The following ANK3 variants were observed in gnomAD, a reference collection of about 807,000 sequenced individuals.
ANK3 encodes the protein ankyrin-3.
In ANK3, 57 loss-of-function variants were observed where a neutral mutation model predicts 370.9. The ratio of observed to expected loss-of-function variants is 0.15; its 90% confidence interval spans 0.12 to 0.19. ANK3 has a LOEUF of 0.19. Among genes scored for constraint, ANK3 ranks in the 10% least tolerant of loss-of-function variants. ANK3 has a pLI of 1.00. For synonymous variants in ANK3, 1,929 were observed against 1,946.3 expected, an observed-to-expected ratio of 0.99 and a Z score of 0.23; for missense variants, 4,439 against 5,302.1, an observed-to-expected ratio of 0.84 and a Z score of 5.06.
chr10:60,387,152 C>T lies in ANK3; in HGVS notation c.114+2273G>A, dbSNP rs183845187. Among the ~76,000 whole-genome samples the T allele has an allele frequency of 3.8e-4, 57 of 149,810 alleles. 1 individual carries two copies. The Middle Eastern group carries it at 0.034, about 91-fold the overall frequency. On this transcript the variant is annotated intron_variant, in intron 1 of 43. Transcript: ENST00000280772. ...TCCAGCCTGGGCAACAAGAGTGAGA[C>T]TCCATCTCAAAAAAAAAAAAATCCT...
At chr10:60,469,822 C>T (rs1332246966) in intron 2 of ANK3, among the ~76,000 whole-genome samples, 2 of 151,196 alleles carry the variant, frequency 1.3e-5, no homozygotes, top group Non-Finnish European at 2.9e-5. Context: ...TAGTCACATC[C>T]TTTCATTTAT....
intron 9 of ANK3, among the ~76,000 whole-genome samples, chr10:60,210,401 T>A (rs2096835027): frequency 1.3e-5 from 2 of 151,132 alleles, no homozygotes; most frequent in African/African-American, 4.9e-5. Flanking sequence ...CACAGAGATC[T>A]GGAACAAGCT....
At position 60,196,643 on chromosome 10, in the gene ANK3, T is replaced by C. The variant is rs768036540; in HGVS notation, c.1690-18A>G. On this transcript the variant is annotated intron_variant, in intron 14 of 43. Coordinates refer to ENST00000280772, the MANE Select transcript of ANK3 (RefSeq NM_020987.5). ...AATCCTTTCTGAAAAAAAAAAAACA[T>C]AAAAATAATGAACAATAGAAATGAC... The C allele has an allele frequency of 6.8e-6, 9 of 1,327,168 alleles. No homozygotes were observed. Among genetic ancestry groups the C allele is most frequent in the African/African-American group, 1.7e-5 (1 of 59,048 alleles). The allele number at this position is 1,327,168 out of a possible 1,614,324, so 82.2% of individuals were successfully genotyped here. A position where few individuals can be genotyped will look rare whatever the true frequency, so the allele number is the denominator to read the frequency against.
At chr10:60,681,518 A>G (rs950615089) in intron 1 of ANK3, among the ~76,000 whole-genome samples, 2 of 152,100 alleles carry the variant, frequency 1.3e-5, no homozygotes, top group Non-Finnish European at 2.9e-5. Flanking sequence ...CTAAATCCGA[A>G]TCATCCTTCA....
chr10:60,641,247 C>G (rs1231470234), intron 1 of ANK3, among the ~76,000 whole-genome samples: 1 of 148,928 alleles, frequency 6.7e-6, no homozygotes, highest in African/African-American at 2.5e-5. Flanking sequence ...ATCAAGCTAC[C>G]AATGACTTTC....
chr10:60,255,090 G>C (rs1168686534), intron 7 of ANK3, among the ~76,000 whole-genome samples: 1 of 152,122 alleles, frequency 6.6e-6, no homozygotes, highest in Non-Finnish European at 1.5e-5. Flanking sequence ...TCATAGGATT[G>C]TTATGACAAT....
chr10:60,378,625 G>A (rs546750694), intron 1 of ANK3, among the ~76,000 whole-genome samples: 63 of 152,094 alleles, frequency 4.1e-4, no homozygotes, highest in African/African-American at 1.5e-3. Context: ...ATTGGTGCTG[G>A]GAAAATTGTA....
intron 25 of ANK3, among the ~76,000 whole-genome samples, chr10:60,122,462 C>A (rs989357788): frequency 1.2e-4 from 18 of 152,360 alleles, no homozygotes; most frequent in African/African-American, 4.3e-4. Flanking sequence ...CCTCGCCTGG[C>A]CTCCATCAGG....
At chr10:60,562,617 G>T (rs1017101947) in intron 2 of ANK3, among the ~76,000 whole-genome samples, 5 of 152,112 alleles carry the variant, frequency 3.3e-5, no homozygotes, top group Non-Finnish European at 5.9e-5. Flanking sequence ...GTTTCACCAT[G>T]GTTTAAATAC....
intron 1 of ANK3, among the ~76,000 whole-genome samples, chr10:60,696,555 T>C (rs927962960): frequency 1.3e-5 from 2 of 150,434 alleles, no homozygotes; most frequent in Non-Finnish European, 3.0e-5. Flanking sequence ...TTATCCACCA[T>C]GATCAAGTGG....
intron 2 of ANK3, among the ~76,000 whole-genome samples, chr10:60,452,613 T>C (rs2133042275): frequency 6.6e-6 from 1 of 152,346 alleles, no homozygotes; most frequent in Middle Eastern, 3.4e-3. Flanking sequence ...AGAAAGAGAA[T>C]CTTCTCATAT....
At chr10:60,465,808 A>C (rs1460770877) in intron 2 of ANK3, among the ~76,000 whole-genome samples, 1 of 139,514 alleles carries the variant, frequency 7.2e-6, no homozygotes, top group Non-Finnish European at 1.5e-5. Flanking sequence ...TTTTTTTTTC[A>C]AAAAAAGAGG....
At chr10:60,082,070 T>C in intron 35 of ANK3, 80 bp downstream of exon 35, 3 of 1,106,490 alleles carry the variant, frequency 2.7e-6, no homozygotes, top group Admixed American at 1.9e-5. Context: ...TCCCACACTT[T>C]AGCCCTCTGC....
At chr10:60,576,630 A>T (rs551817653) in intron 2 of ANK3, among the ~76,000 whole-genome samples, 2 of 152,370 alleles carry the variant, frequency 1.3e-5, no homozygotes, top group South Asian at 4.1e-4. Context: ...CACTTACTGT[A>T]ATTTACACTG....
At chr10:60,402,156 A>G (rs916501750) in intron 2 of ANK3, among the ~76,000 whole-genome samples, 12 of 152,218 alleles carry the variant, frequency 7.9e-5, no homozygotes, top group Non-Finnish European at 1.3e-4. Context: ...GATAATATTT[A>G]CCAGTGCCAC....
intron 23 of ANK3, among the ~76,000 whole-genome samples, chr10:60,163,387 C>T (rs2095545403): frequency 6.6e-6 from 1 of 152,180 alleles, no homozygotes; most frequent in South Asian, 2.1e-4. Flanking sequence ...CTGCCTTGGA[C>T]AAAGTTGCTT....
At chr10:60,267,836 T>G (rs2097904293) in intron 5 of ANK3, among the ~76,000 whole-genome samples, 1 of 152,212 alleles carries the variant, frequency 6.6e-6, no homozygotes. Context: ...TTTACAGTAC[T>G]TAATATTTCC....
intron 28 of ANK3, among the ~76,000 whole-genome samples, chr10:60,098,717 A>G (rs1172451734): frequency 6.6e-6 from 1 of 152,224 alleles, no homozygotes; most frequent in East Asian, 1.9e-4. Flanking sequence ...TGGCAAAGAT[A>G]GTACGAAAGG....
In ANK3 at chr10:60,186,722, C is replaced by T. The variant is rs780727105; in HGVS notation, c.2078G>A (p.Ser693Asn). 18 of 1,613,802 alleles carry T rather than the reference C, an allele frequency of 1.1e-5. No homozygotes were observed. In the Admixed American group the frequency reaches 2.5e-4, roughly 22 times the overall value. ...LLGRNANVNL[S>N]NKSGLTPLHL... ...AAGAAAGAAGTGGGTTACCTTATTG[C>T]TCAGGTTCACATTCGCATTTCTACC... is the stretch of plus-strand genomic sequence containing the variant. The change falls in exon 17 of 44, where the codon AGC becomes AAC. Residue 693 changes from serine to asparagine, a missense_variant. Around this residue, in one of 13 missense-constraint regions of ANK3, gnomAD observed 192 missense variants for 192.1 expected, o/e 1.00. Coordinates refer to ENST00000280772, the MANE Select transcript of ANK3 (RefSeq NM_020987.5).
Sources: allele counts gnomAD v4.1 joint callset (sites outside exome capture counted in the v4.1 genomes callset), GRCh38; gene constraint gnomAD v4.1.1; regional missense constraint gnomAD v4.1.1; transcripts MANE v1.5; gene names NCBI Gene and HGNC (gene_info 2026-07-23, HGNC 2026-07-21).